The following NR2F2 variants were observed in gnomAD, a reference collection of about 807,000 sequenced individuals.
The protein encoded by NR2F2 is nuclear receptor subfamily 2 group F member 2, also known as COUP transcription factor 2.
NR2F2 carries 2 observed loss-of-function variants against 34.8 expected under a neutral mutation model. That is an observed-to-expected ratio of 0.06 (90% CI 0.02 to 0.18). The LOEUF (loss-of-function observed/expected upper bound fraction) is 0.18. NR2F2 is among the 10% of genes least tolerant of loss of function. The probability of loss-of-function intolerance (pLI) is 1.00; values close to 1 mark genes in which losing one functional copy is unlikely to be tolerated. For missense variants in NR2F2, 300 were observed against 580.1 expected (o/e 0.52, Z 4.96); for synonymous variants, 274 against 251.8 (o/e 1.09, Z -0.84).
rs950203288 is a variant in NR2F2 at position 96,330,914 on chromosome 15, TTCTC to T, written c.-1189_-1186del. 5 of 1,135,388 alleles carry T rather than the reference TTCTC, an allele frequency of 4.4e-6. No homozygotes were observed. In the African/African-American group the frequency reaches 4.9e-5, roughly 11 times the overall value. 70.3% of individuals were successfully genotyped at this position (1,135,388 alleles called of 1,614,324 possible). The stretch of plus-strand genomic sequence containing the variant: ...TGCCTTTTTTCCCCTCTTTCATTCT[TTCTC>T]TCCGTCTTTTTCTCCCCCCTCTGCG... On this transcript the variant is annotated 5_prime_UTR_variant, in exon 1 of 3. Coordinates refer to ENST00000394166, the MANE Select transcript of NR2F2 (RefSeq NM_021005.4).
chr15:96,331,720 T>C lies in NR2F2; in HGVS notation c.-386T>C. ...TTTTTTTTGCCTCCTACTTCTGTCTTGAAGCCAGACAATCGACTTCAGCTC... is the reference window on the plus strand; with the variant it reads ...TTTTTTTTGCCTCCTACTTCTGTCTCGAAGCCAGACAATCGACTTCAGCTC... On this transcript the variant is annotated 5_prime_UTR_variant, in exon 1 of 3. Transcript: ENST00000394166. The C allele has an allele frequency of 1.9e-6, 2 of 1,044,912 alleles. No homozygotes were observed. Among genetic ancestry groups the C allele is most frequent in the Non-Finnish European group, 2.4e-6 (2 of 823,618 alleles). The allele number at this position is 1,044,912 out of a possible 1,614,324, so 64.7% of individuals were successfully genotyped here.
rs1596432823 is a variant in NR2F2, at chr15:96,337,743, G to T, written c.*121G>T. 1.4e-6 allele frequency: 1 copy of T among 714,774 alleles called. No individual in the cohort carries two copies. The highest frequency in any genetic ancestry group is 1.9e-6 in the Non-Finnish European group (1 of 518,864). 44.3% of individuals were successfully genotyped at this position (714,774 alleles called of 1,614,324 possible). A position where few individuals can be genotyped will look rare whatever the true frequency, so the allele number is the denominator to read the frequency against. ...GGATGTTACAAGTTTGCTAAAAGAA[G>T]AGAGGGGAAGAATTTAATGGACTGT... On this transcript the variant is annotated 3_prime_UTR_variant, in exon 3 of 3. Coordinates refer to ENST00000394166, the MANE Select transcript of NR2F2 (RefSeq NM_021005.4).
Position 96,331,870 on chromosome 15 carries a change from C to T in NR2F2, c.-236C>T. On this transcript the variant is annotated 5_prime_UTR_variant, in exon 1 of 3. Coordinates refer to ENST00000394166, the MANE Select transcript of NR2F2 (RefSeq NM_021005.4). ...AGCCGAGAGAAACAAACAAAACAAACACACCGGGCCAGACAAGCCATCGAC... is the reference window on the plus strand; with the variant it reads ...AGCCGAGAGAAACAAACAAAACAAATACACCGGGCCAGACAAGCCATCGAC... 1 of 1,203,818 alleles carries T rather than the reference C, an allele frequency of 8.3e-7. No individual in the cohort carries two copies. Among genetic ancestry groups the T allele is most frequent in the Non-Finnish European group, 1.0e-6 (1 of 970,460 alleles). The allele number at this position is 1,203,818 out of a possible 1,614,324, so 74.6% of individuals were successfully genotyped here.
At position 96,337,492 on chromosome 15, in the gene NR2F2, C is replaced by G; in HGVS notation, c.1115C>G (p.Thr372Ser). 1 of 1,614,140 alleles carries G rather than the reference C, an allele frequency of 6.2e-7. No individual in the cohort carries two copies. Among genetic ancestry groups the G allele is most frequent in the Non-Finnish European group, 8.5e-7 (1 of 1,180,038 alleles). The change falls in exon 3 of 3, where the codon ACC becomes AGC. Residue 372 changes from threonine to serine, a missense_variant. Thr to Ser is a moderately conservative substitution (Grantham distance 58, BLOSUM62 1). Coordinates refer to ENST00000394166, the MANE Select transcript of NR2F2 (RefSeq NM_021005.4). ...KLLLRLPSLRTVSSSVIEQLF... is the reference protein window; with the variant it reads ...KLLLRLPSLRSVSSSVIEQLF... Reference sequence around the variant, plus strand: ...TTGCTTCGCCTCCCTTCCCTCCGCACCGTCTCCTCCTCAGTCATAGAGCAA... The same window carrying G: ...TTGCTTCGCCTCCCTTCCCTCCGCAGCGTCTCCTCCTCAGTCATAGAGCAA...
At position 96,331,181 on chromosome 15, in the gene NR2F2, G is replaced by A; in HGVS notation, c.-925G>A. 3 of 970,046 alleles carry A rather than the reference G, an allele frequency of 3.1e-6. No individual in the cohort carries two copies. In the South Asian group the frequency reaches 1.4e-4, roughly 44 times the overall value. The allele number at this position is 970,046 out of a possible 1,614,324, so 60.1% of individuals were successfully genotyped here. A position where few individuals can be genotyped will look rare whatever the true frequency, so the allele number is the denominator to read the frequency against. On this transcript the variant is annotated 5_prime_UTR_variant, in exon 1 of 3. Transcript: ENST00000394166. ...TTCGGCGGCGGCTCCGGCGGCAGCG[G>A]CGGCCCGGGCGGCCCGCAGGGAACG... is the stretch of plus-strand genomic sequence containing the variant.
At chr15:96,335,556 A>AATGTGATC (rs1899299887) in intron 2 of NR2F2, among the ~76,000 whole-genome samples, 1 of 152,206 alleles carries the variant, frequency 6.6e-6, no homozygotes, top group South Asian at 2.1e-4. Flanking sequence ...ACATTCTTGT[A>AATGTGATC]CTAAGTTGTC....
At chr15:96,334,883 G>C (rs1359806513) in intron 2 of NR2F2, among the ~76,000 whole-genome samples, 1 of 152,272 alleles carries the variant, frequency 6.6e-6, no homozygotes, top group African/African-American at 2.4e-5. Flanking sequence ...GCAGTATCCA[G>C]ATTGGGATGC....
intron 2 of NR2F2, among the ~76,000 whole-genome samples, chr15:96,336,460 T>C (rs1245043413): frequency 6.6e-6 from 1 of 152,190 alleles, no homozygotes. Flanking sequence ...TTCGAATATC[T>C]GTTTTAATGA....
At chr15:96,334,045 A>T (rs1374537485) in intron 1 of NR2F2, 31 bp from the exon 2 acceptor site, 1 of 1,596,492 alleles carries the variant, frequency 6.3e-7, no homozygotes, top group Non-Finnish European at 8.5e-7. Context: ...GCTGGTCATT[A>T]ACTGTGGAGT....
chr15:96,329,667 G>T (rs937262627), upstream of NR2F2, among the ~76,000 whole-genome samples: 1 of 152,194 alleles, frequency 6.6e-6, no homozygotes, highest in South Asian at 2.1e-4. Context: ...TGTGTGTACA[G>T]AGGGTGTGCA....
In NR2F2 at chr15:96,338,006, T is replaced by C. The variant is rs1261531328; in HGVS notation, c.*384T>C. On this transcript the variant is annotated 3_prime_UTR_variant, in exon 3 of 3. Coordinates refer to ENST00000394166, the MANE Select transcript of NR2F2 (RefSeq NM_021005.4). ...GTAAGTCTTTTTTTTTTCCAAATTA[T>C]TAATTGTCCTGTGTCTATGTACCTC... 1 of 165,438 alleles carries C rather than the reference T, an allele frequency of 6.0e-6. No homozygotes were observed. Among genetic ancestry groups the C allele is most frequent in the Admixed American group, 5.9e-5 (1 of 16,954 alleles). The allele number at this position is 165,438 out of a possible 1,614,324, so 10.2% of individuals were successfully genotyped here.
At position 96,332,288 on chromosome 15, in the gene NR2F2, C is replaced by T; in HGVS notation, c.183C>T (p.Gly61=). Residue 61 remains glycine (G), a synonymous_variant, in exon 1 of 3, where the codon GGC becomes GGT. Coordinates refer to ENST00000394166, the MANE Select transcript of NR2F2 (RefSeq NM_021005.4). ...CCCAGACGGCGGCCGGTGGCCAGGG[C>T]GGCCCTGGCGGCCCGGGTAGCGACA... ...TPAQTAAGGQ[G]GPGGPGSDKQ... is the part of the protein sequence containing the mutation. 6.4e-7 allele frequency: 1 copy of T among 1,563,088 alleles called. No individual in the cohort carries two copies. Among genetic ancestry groups the T allele is most frequent in the Non-Finnish European group, 8.7e-7 (1 of 1,155,052 alleles).
intron 2 of NR2F2, among the ~76,000 whole-genome samples, chr15:96,336,415 T>A (rs1334086300): frequency 6.6e-6 from 1 of 152,108 alleles, no homozygotes; most frequent in Non-Finnish European, 1.5e-5. Flanking sequence ...TGCATGTGTG[T>A]TCTGGTTCTT....
upstream of NR2F2, among the ~76,000 whole-genome samples, chr15:96,326,549 CAT>C (rs1191615931): frequency 2.0e-5 from 3 of 150,156 alleles, no homozygotes; most frequent in Non-Finnish European, 4.4e-5. This position sits in a 1 kb window ranked among gnomAD's most constrained non-coding sequence, Gnocchi z 5.5. Flanking sequence ...TATTTTATTA[CAT>C]GTGTGTGGTA....
rs1204566729 is a variant in NR2F2, at chr15:96,339,515, A to T, written c.*1893A>T. On this transcript the variant is annotated 3_prime_UTR_variant, in exon 3 of 3. Transcript: ENST00000394166. ...CCACAGGGTCAAGGGAATCTTTTCCATTGGAGTTATGTACATAAAAACACA... is the reference window on the plus strand; with the variant it reads ...CCACAGGGTCAAGGGAATCTTTTCCTTTGGAGTTATGTACATAAAAACACA... 6.6e-6 allele frequency: 1 copy of T among 152,054 alleles called. No homozygotes were observed. The highest frequency in any genetic ancestry group is 2.4e-5 in the African/African-American group (1 of 41,380). 9.4% of individuals were successfully genotyped at this position (152,054 alleles called of 1,614,324 possible).
Position 96,331,372 on chromosome 15 carries a change from C to G in NR2F2, c.-734C>G. The G allele has an allele frequency of 1.6e-6, 2 of 1,221,324 alleles. No homozygotes were observed. The highest frequency in any genetic ancestry group is 2.0e-6 in the Non-Finnish European group (2 of 981,398). 75.7% of individuals were successfully genotyped at this position (1,221,324 alleles called of 1,614,324 possible). On this transcript the variant is annotated 5_prime_UTR_variant, in exon 1 of 3. Transcript: ENST00000394166. ...TGCTGATTCCCCCGGACCCGGGCAGCGCTCCGGCCACTCCGCGGGCCGCCG... is the reference window on the plus strand; with the variant it reads ...TGCTGATTCCCCCGGACCCGGGCAGGGCTCCGGCCACTCCGCGGGCCGCCG...
At chr15:96,332,941 CAAAAAA>C (rs752483227) in intron 1 of NR2F2, among the ~76,000 whole-genome samples, 2 of 58,044 alleles carry the variant, frequency 3.4e-5, no homozygotes, top group Admixed American at 1.8e-4. Flanking sequence ...CCCACCCTCT[CAAAAAA>C]AAAAAAAAAA....
intron 1 of NR2F2, among the ~76,000 whole-genome samples, chr15:96,332,917 C>T (rs1287549895): frequency 3.4e-5 from 5 of 148,532 alleles, no homozygotes; most frequent in African/African-American, 1.3e-4. Context: ...TCCCCCTCAC[C>T]CCTTTCCCCA....
chr15:96,330,757 C>T lies in NR2F2; in HGVS notation c.-1349C>T, dbSNP rs1400029973. On this transcript the variant is annotated 5_prime_UTR_variant, in exon 1 of 3. Transcript: ENST00000394166. ...AAATCGCATTCCCTCCCGCGCCCCCCTTTTTAGCATATTTGATCACTTTGA... is the reference window on the plus strand; with the variant it reads ...AAATCGCATTCCCTCCCGCGCCCCCTTTTTTAGCATATTTGATCACTTTGA... The T allele has an allele frequency of 2.5e-6, 2 of 813,806 alleles. No homozygotes were observed. The highest frequency in any genetic ancestry group is 1.8e-5 in the African/African-American group (1 of 54,478). The allele number at this position is 813,806 out of a possible 1,614,324, so 50.4% of individuals were successfully genotyped here.
Sources: gnomAD v4.1 joint callset for allele counts (sites outside exome capture counted in the v4.1 genomes callset) on GRCh38, gnomAD v4.1.1 for gene constraint, Gnocchi (gnomAD v3.1) non-coding constraint, MANE v1.5 for transcripts, NCBI Gene and HGNC (gene_info 2026-07-23, HGNC 2026-07-21) for gene names.